TRAPPC9: variants seen among roughly 807,000 people sequenced by gnomAD.
The protein encoded by TRAPPC9 is IKK2 binding protein.
TRAPPC9 carries 83 observed loss-of-function variants against 124.0 expected under a neutral mutation model. The ratio of observed to expected loss-of-function variants is 0.67; its 90% CI spans 0.56 to 0.80. The LOEUF is 0.80. TRAPPC9 is among the 30% of genes least tolerant of loss of function. The pLI is 0.00. For synonymous variants in TRAPPC9, 638 were observed against 617.5 expected (o/e 1.03, Z -0.49); for missense variants, 1,302 against 1,508.3 (o/e 0.86, Z 2.27).
chr8:139,915,234 G>T (rs918583196), intron 19 of TRAPPC9, among the ~76,000 whole-genome samples: 1 of 152,128 alleles, frequency 6.6e-6, no homozygotes, highest in African/African-American at 2.4e-5. Flanking sequence ...TGCTAGAGTG[G>T]GTTCTAATGT....
At chr8:140,291,448 G>A (rs948286320) in intron 11 of TRAPPC9, among the ~76,000 whole-genome samples, 37 of 152,200 alleles carry the variant, frequency 2.4e-4, no homozygotes, top group African/African-American at 7.2e-5. Context: ...TGAGTAACAC[G>A]GAGTGTGATT....
At chr8:140,306,751 T>C (rs983569014) in intron 10 of TRAPPC9, among the ~76,000 whole-genome samples, 1 of 152,188 alleles carries the variant, frequency 6.6e-6, no homozygotes, top group East Asian at 1.9e-4. Flanking sequence ...GAAGAGAACA[T>C]GCAGTTCATA....
intron 19 of TRAPPC9, among the ~76,000 whole-genome samples, chr8:139,948,240 G>T (rs1011901535): frequency 6.9e-6 from 1 of 144,432 alleles, no homozygotes; most frequent in Admixed American, 7.0e-5. Flanking sequence ...GGGGAAGATG[G>T]TTCATAAAAC....
intron 17 of TRAPPC9, among the ~76,000 whole-genome samples, chr8:140,203,055 G>A (rs1329577825): frequency 1.3e-5 from 2 of 152,196 alleles, no homozygotes; most frequent in Non-Finnish European, 1.5e-5. Flanking sequence ...AATGCAATGA[G>A]TGGTCCTGTA....
At position 140,029,272 on chromosome 8, in the gene TRAPPC9, C is replaced by T. The variant is rs995135485; in HGVS notation, c.2557-5193G>A. Among the ~76,000 whole-genome samples, 7 of 152,306 alleles carry T rather than the reference C, an allele frequency of 4.6e-5. No individual in the cohort carries two copies. The South Asian group carries it at 1.2e-3, about 27-fold the overall frequency. On this transcript the variant is annotated intron_variant, in intron 17 of 22. Transcript: ENST00000438773. ...GTAGTCCCAGCAGTTTGGGAGGCTG[C>T]GCAGAGGCAGATCACTTGAGCCCCA...
rs528634048 is a variant in TRAPPC9 at position 139,899,330 on chromosome 8, C to T, written c.2964+10817G>A. ...AGATAACATAAACAGTAAATTAACA[C>T]GTATTTTGCATGTTATATGTATTAC... On this transcript the variant is annotated intron_variant, in intron 20 of 22. Transcript: ENST00000438773. Among the ~76,000 whole-genome samples, 16 of 152,050 alleles carry T rather than the reference C, an allele frequency of 1.1e-4. No homozygotes were observed. The South Asian group carries it at 2.7e-3, about 26-fold the overall frequency.
At chr8:139,832,823 C>T (rs1368388325) in intron 21 of TRAPPC9, among the ~76,000 whole-genome samples, 1 of 152,118 alleles carries the variant, frequency 6.6e-6, no homozygotes, top group East Asian at 1.9e-4. Flanking sequence ...CCTTGGATAG[C>T]GTCCTCCCCA....
intron 17 of TRAPPC9, among the ~76,000 whole-genome samples, chr8:140,048,310 C>T (rs943946493): frequency 8.5e-5 from 13 of 152,166 alleles, no homozygotes; most frequent in African/African-American, 3.1e-4. Context: ...GACAATGACT[C>T]CACCTTGTAC....
At chr8:139,970,544 G>A (rs1188456183) in intron 19 of TRAPPC9, among the ~76,000 whole-genome samples, 1 of 152,164 alleles carries the variant, frequency 6.6e-6, no homozygotes, top group East Asian at 1.9e-4. Context: ...CATACAGCCT[G>A]TCCCAGAGAC....
At chr8:140,391,712 CA>C (rs1238939604) in intron 7 of TRAPPC9, among the ~76,000 whole-genome samples, 1,152 of 75,424 alleles carry the variant, frequency 0.015, 6 homozygotes, top group African/African-American at 0.034. Context: ...AACTCTGTCT[CA>C]AAAAAAAAAA....
Position 139,730,932 on chromosome 8 carries a change from G to A in TRAPPC9, c.*129C>T. 1 of 1,037,576 alleles carries A rather than the reference G, an allele frequency of 9.6e-7. No individual in the cohort carries two copies. Among genetic ancestry groups the A allele is most frequent in the East Asian group, 2.6e-5 (1 of 38,752 alleles). 64.3% of individuals were successfully genotyped at this position (1,037,576 alleles called of 1,614,324 possible). A position where few individuals can be genotyped will look rare whatever the true frequency, so the allele number is the denominator to read the frequency against. ...TGCTACAGGAGGAACAGGAGGAGAG[G>A]GCTGGGAGGGGTCTGGGGGAGGAGG... On this transcript the variant is annotated 3_prime_UTR_variant, in exon 23 of 23. Coordinates refer to ENST00000438773, the MANE Select transcript of TRAPPC9 (RefSeq NM_001160372.4).
chr8:140,454,501 G>A (rs142301274), intron 1 of TRAPPC9, among the ~76,000 whole-genome samples: 12,860 of 149,942 alleles, frequency 0.086, 602 homozygotes, highest in African/African-American at 0.11. Context: ...TTAGCCAGGC[G>A]TGGTGGCGCA....
chr8:140,273,179 C>T (rs753668742), intron 15 of TRAPPC9, among the ~76,000 whole-genome samples: 1 of 152,196 alleles, frequency 6.6e-6, no homozygotes, highest in Non-Finnish European at 1.5e-5. Context: ...AGTTGCCGCT[C>T]CTGGGTACTT....
intron 21 of TRAPPC9, among the ~76,000 whole-genome samples, chr8:139,733,370 A>C (rs1186887223): frequency 6.6e-6 from 1 of 152,190 alleles, no homozygotes; most frequent in South Asian, 2.1e-4. Context: ...CTGCCTCCAG[A>C]ACTGAGAACA....
At chr8:139,895,111 TC>T (rs1830583601) in intron 20 of TRAPPC9, among the ~76,000 whole-genome samples, 1 of 151,986 alleles carries the variant, frequency 6.6e-6, no homozygotes, top group South Asian at 2.1e-4. Context: ...CCACTTTAAC[TC>T]CAGAGGCCAG....
Position 140,405,659 on chromosome 8 carries a change from G to T in TRAPPC9, c.926C>A (p.Thr309Asn), listed in dbSNP as rs2069464914. The T allele has an allele frequency of 6.2e-7, 1 of 1,614,034 alleles. No homozygotes were observed. Among genetic ancestry groups the T allele is most frequent in the South Asian group, 1.1e-5 (1 of 91,090 alleles). Residue 309 changes from threonine (T) to asparagine (N), a missense_variant, in exon 6 of 23, where the codon ACT becomes AAT. Thr to Asn is a moderately conservative substitution (Grantham distance 65). This residue lies in a region of TRAPPC9 where 657 missense variants were observed against 811.2 expected (regional missense o/e 0.81). Transcript: ENST00000438773. ...GCAGTTCTTAGCACGTCCGATCTCA[G>T]TACTGGTGTCAGGGTTGATGCCATT... ...TTNGINPDTS[T>N]EIGRAKNCLS... is the part of the protein sequence containing the mutation.
At chr8:139,792,999 C>T (rs1327392694) in intron 21 of TRAPPC9, among the ~76,000 whole-genome samples, 1 of 152,190 alleles carries the variant, frequency 6.6e-6, no homozygotes, top group Non-Finnish European at 1.5e-5. Context: ...ACTAGCTTGC[C>T]ACCTGGACAG....
chr8:139,913,580 C>T (rs1044123519), intron 19 of TRAPPC9, among the ~76,000 whole-genome samples: 2 of 152,348 alleles, frequency 1.3e-5, no homozygotes, highest in Admixed American at 6.5e-5. Flanking sequence ...AAACTGCAGA[C>T]CCTGCCTCCA....
intron 17 of TRAPPC9, among the ~76,000 whole-genome samples, chr8:140,126,706 G>A (rs913346726): frequency 1.3e-5 from 2 of 152,214 alleles, no homozygotes; most frequent in African/African-American, 4.8e-5. Flanking sequence ...GTAGCGAGAA[G>A]TAGCTCAGTC....
Sources: allele counts gnomAD v4.1 joint callset (sites outside exome capture counted in the v4.1 genomes callset), GRCh38; gene constraint gnomAD v4.1.1; regional missense constraint gnomAD v4.1.1; transcripts MANE v1.5; gene names NCBI Gene and HGNC (gene_info 2026-07-23, HGNC 2026-07-21).